Variants in SLC4A4 observed in about 807,000 individuals in gnomAD.
The protein encoded by SLC4A4 is solute carrier family 4 member 4, also known as electrogenic sodium bicarbonate cotransporter 1.
In SLC4A4, 27 loss-of-function variants were observed where a neutral mutation model predicts 111.5. The observed-to-expected ratio is 0.24, with a 90% confidence interval of 0.18 to 0.33. SLC4A4 has a LOEUF of 0.33. Ranked by LOEUF, SLC4A4 falls within the 10% of genes least tolerant of loss-of-function variation. The pLI, the probability that SLC4A4 is intolerant of heterozygous loss-of-function variation, is 1.00. For synonymous variants in SLC4A4, 443 were observed against 463.4 expected (o/e 0.96, Z 0.57); for missense variants, 909 against 1,315.5 (o/e 0.69, Z 4.78).
intron 15 of SLC4A4, among the ~76,000 whole-genome samples, chr4:71,487,657 A>G (rs1729539608): frequency 6.6e-6 from 1 of 151,664 alleles, no homozygotes; most frequent in Non-Finnish European, 1.5e-5. Flanking sequence ...TATGCTGAAC[A>G]TGGAATCTTA....
chr4:71,252,898 A>G (rs1399101492), intron 2 of SLC4A4, among the ~76,000 whole-genome samples: 3 of 152,174 alleles, frequency 2.0e-5, no homozygotes, highest in African/African-American at 4.8e-5. Context: ...TATTGTTTAT[A>G]AATTACACCC....
chr4:71,509,688 CA>C (rs1320703707), intron 16 of SLC4A4, among the ~76,000 whole-genome samples: 7 of 152,086 alleles, frequency 4.6e-5, no homozygotes, highest in Non-Finnish European at 1.0e-4. Flanking sequence ...GTTTGGGGAC[CA>C]GGGGTGCCAC....
intron 14 of SLC4A4, among the ~76,000 whole-genome samples, chr4:71,478,911 T>G (rs538734770): frequency 4.0e-5 from 6 of 151,762 alleles, no homozygotes; most frequent in Admixed American, 6.6e-5. Context: ...AAATTTCTAA[T>G]CTAATACCTC....
chr4:71,224,670 A>G (rs1269960888), intron 1 of SLC4A4, among the ~76,000 whole-genome samples: 1 of 152,230 alleles, frequency 6.6e-6, no homozygotes. Flanking sequence ...GGGGATTGCT[A>G]CAGGATGCTC....
chr4:71,126,543 A>G (rs1035246891), intron 2 of SLC4A4, among the ~76,000 whole-genome samples: 1 of 152,220 alleles, frequency 6.6e-6, no homozygotes, highest in Non-Finnish European at 1.5e-5. Flanking sequence ...GACTTTGCAT[A>G]TAGACATACT....
At chr4:71,418,135 G>A (rs1195234141) in intron 7 of SLC4A4, among the ~76,000 whole-genome samples, 1 of 152,158 alleles carries the variant, frequency 6.6e-6, no homozygotes, top group African/African-American at 2.4e-5. Context: ...TTAAACTGGG[G>A]CAGTACTTGA....
At chr4:71,531,478 A>G (rs1560592238) in intron 16 of SLC4A4, among the ~76,000 whole-genome samples, 2 of 152,040 alleles carry the variant, frequency 1.3e-5, no homozygotes, top group Non-Finnish European at 2.9e-5. Context: ...ACTTGACATT[A>G]CTTTGAGGTC....
chr4:71,478,818 A>G (rs918749846), intron 14 of SLC4A4, among the ~76,000 whole-genome samples: 12 of 151,814 alleles, frequency 7.9e-5, no homozygotes, highest in Non-Finnish European at 8.8e-5. Context: ...ACATATTATA[A>G]AATGTATTGT....
At chr4:71,553,668 C>G (rs1241949376) in intron 20 of SLC4A4, among the ~76,000 whole-genome samples, 1 of 151,084 alleles carries the variant, frequency 6.6e-6, no homozygotes, top group Non-Finnish European at 1.5e-5. Flanking sequence ...CAAAGCTATG[C>G]AATGATCCTT....
At chr4:71,172,777 C>G (rs1258779079) in intron 2 of SLC4A4, among the ~76,000 whole-genome samples, 1 of 152,082 alleles carries the variant, frequency 6.6e-6, no homozygotes, top group Non-Finnish European at 1.5e-5. Flanking sequence ...TATGAAACAC[C>G]AGCACCACCA....
At chr4:71,085,277 T>G (rs1333821868) in intron 1 of SLC4A4, among the ~76,000 whole-genome samples, 1 of 152,072 alleles carries the variant, frequency 6.6e-6, no homozygotes, top group Non-Finnish European at 1.5e-5. Context: ...GTAAATTTGT[T>G]TGAGTTCATT....
At chr4:71,494,354 C>T (rs1014363997) in intron 15 of SLC4A4, among the ~76,000 whole-genome samples, 1 of 151,996 alleles carries the variant, frequency 6.6e-6, no homozygotes. Context: ...TGCTCTGTAG[C>T]CCAGGCTGGC....
At chr4:71,180,451 A>G (rs917869118) in intron 2 of SLC4A4, among the ~76,000 whole-genome samples, 2 of 152,240 alleles carry the variant, frequency 1.3e-5, no homozygotes, top group African/African-American at 2.4e-5. Context: ...CAACCCACTC[A>G]TCTGACAAAG....
chr4:71,568,470 T>C lies in SLC4A4; in HGVS notation c.*719T>C, dbSNP rs1185774774. The C allele has an allele frequency of 2.0e-4, 30 of 152,242 alleles. No homozygotes were observed. The highest frequency in any genetic ancestry group is 1.9e-3 in the Admixed American group (29 of 15,176). The allele number at this position is 152,242 out of a possible 1,614,324, so 9.4% of individuals were successfully genotyped here. On this transcript the variant is annotated 3_prime_UTR_variant, in exon 26 of 26. Coordinates refer to ENST00000264485, the MANE Select transcript of SLC4A4 (RefSeq NM_001098484.3). Reference sequence around the variant, plus strand: ...CCCTATAGAGAAACCATTGCCATCATTGTAGCAAGTGCTGGAATGTCCCTT... The same window carrying C: ...CCCTATAGAGAAACCATTGCCATCACTGTAGCAAGTGCTGGAATGTCCCTT...
intron 3 of SLC4A4, among the ~76,000 whole-genome samples, chr4:71,278,005 T>C (rs1314059219): frequency 6.6e-6 from 1 of 152,188 alleles, no homozygotes; most frequent in Non-Finnish European, 1.5e-5. Context: ...CGTATGATAT[T>C]GTTAACTATA....
intron 1 of SLC4A4, among the ~76,000 whole-genome samples, chr4:71,230,309 C>T (rs1040418496): frequency 1.2e-4 from 18 of 152,336 alleles, no homozygotes; most frequent in African/African-American, 3.8e-4. Flanking sequence ...AACTCTGAGA[C>T]TGCAGTCCTC....
chr4:71,352,248 T>C (rs533528148), intron 5 of SLC4A4, among the ~76,000 whole-genome samples: 2 of 152,228 alleles, frequency 1.3e-5, no homozygotes, highest in African/African-American at 4.8e-5. Flanking sequence ...ATTACACAAG[T>C]TGAAAATAAA....
intron 6 of SLC4A4, among the ~76,000 whole-genome samples, chr4:71,369,323 G>A (rs11723220): frequency 0.99 from 151,512 of 152,308 alleles, 75,364 homozygotes; most frequent in Middle Eastern, 1. Context: ...GTACAGTAAT[G>A]AAGAACTTCC....
chr4:71,258,801 T>C (rs1238683901), intron 3 of SLC4A4, among the ~76,000 whole-genome samples: 2 of 152,234 alleles, frequency 1.3e-5, no homozygotes, highest in East Asian at 3.8e-4. Context: ...TTATTTTGTC[T>C]ATCGCCAAAG....
Sources: gnomAD v4.1 joint callset for allele counts (sites outside exome capture counted in the v4.1 genomes callset) on GRCh38, gnomAD v4.1.1 for gene constraint, MANE v1.5 for transcripts, NCBI Gene and HGNC (gene_info 2026-07-23, HGNC 2026-07-21) for gene names.